Variants in PHKA2 observed in about 807,000 individuals in gnomAD.
The protein encoded by PHKA2 is phosphorylase b kinase regulatory subunit alpha, liver isoform.
Under a neutral mutation model 102.0 loss-of-function variants are expected in PHKA2, and 31 were observed. The ratio of observed to expected loss-of-function variants is 0.30; its 90% confidence interval spans 0.23 to 0.41. The LOEUF (loss-of-function observed/expected upper bound fraction) is 0.41, where lower values mean the gene tolerates loss of function less well. Among genes scored for constraint, PHKA2 ranks in the 10% least tolerant of loss-of-function variants. PHKA2 has a pLI of 1.00. For missense variants in PHKA2, 858 were observed against 1,023.1 expected, an observed-to-expected ratio of 0.84 and a Z score of 2.20; for synonymous variants, 455 against 416.2, an observed-to-expected ratio of 1.09 and a Z score of -1.13.
At chrX:18,945,268 C>A in intron 5 of PHKA2, 110 bp from the exon 6 acceptor site, 1 of 517,675 alleles carries the variant, frequency 1.9e-6, no homozygotes. Flanking sequence ...ATAAGTGGAT[C>A]TTCTCGGAGG....
chrX:18,896,525 G>T (rs1411342119), intron 30 of PHKA2: 1 of 115,514 alleles, frequency 8.7e-6, no homozygotes, highest in African/African-American at 3.2e-5. Flanking sequence ...ACAGGACCTG[G>T]GGCTAAACTG....
Position 18,924,308 on chromosome X carries a change from C to A in PHKA2, c.1714+73G>T, listed in dbSNP as rs5955668. On this transcript the variant is annotated intron_variant, in intron 16 of 32. Transcript: ENST00000379942. The stretch of plus-strand genomic sequence containing the variant: ...CAGTGCTTAGTTCTGGCCATGGGAG[C>A]CATTTTAAACATTTGTAAGAGCCCA... The A allele has an allele frequency of 9.1e-3, 10,210 of 1,122,978 alleles. 76 individuals carry two copies. Among genetic ancestry groups the A allele is most frequent in the Non-Finnish European group, 8.3e-3 (6,774 of 817,201 alleles). The allele number at this position is 1,122,978 out of a possible 1,213,427, so 92.5% of individuals were successfully genotyped here. A position where few individuals can be genotyped will look rare whatever the true frequency, so the allele number is the denominator to read the frequency against.
chrX:18,958,295 C>T (rs1000258101), intron 1 of PHKA2, among the ~76,000 whole-genome samples: 1 of 111,734 alleles, frequency 8.9e-6, no homozygotes, highest in African/African-American at 3.3e-5. Flanking sequence ...GTTTTAGAGG[C>T]TGCATCATAT....
Position 18,893,463 on chromosome X carries a change from G to C in PHKA2, c.*22C>G. 8.3e-7 allele frequency: 1 copy of C among 1,204,673 alleles called. No homozygotes were observed. Among genetic ancestry groups the C allele is most frequent in the South Asian group, 1.8e-5 (1 of 56,835 alleles). ...GGGGCACGTGACAGATTGAGAGTGT[G>C]ATCATGTTTCCAGGTGAGACCCTAT... On this transcript the variant is annotated 3_prime_UTR_variant, in exon 33 of 33. Coordinates refer to ENST00000379942, the MANE Select transcript of PHKA2 (RefSeq NM_000292.3).
rs188626552 is a variant in PHKA2, at chrX:18,899,082, C to T, written c.3111+91G>A. 6.1e-4 allele frequency: 483 copies of T among 786,255 alleles called. 3 individuals are homozygous for T. The highest frequency in any genetic ancestry group is 5.2e-3 in the East Asian group (163 of 31,645). The allele number at this position is 786,255 out of a possible 1,213,427, so 64.8% of individuals were successfully genotyped here. A position where few individuals can be genotyped will look rare whatever the true frequency, so the allele number is the denominator to read the frequency against. On this transcript the variant is annotated intron_variant, in intron 29 of 32. Transcript: ENST00000379942. ...CCGCTGAAAACACTTCAGCCCTGCT[C>T]GAATCCTCAGAAGTTGGGCATGAGG...
At chrX:18,931,207 G>A (rs1168547868) in intron 12 of PHKA2, among the ~76,000 whole-genome samples, 4 of 112,304 alleles carry the variant, frequency 3.6e-5, no homozygotes, top group African/African-American at 1.3e-4. Flanking sequence ...AATCCGGCCC[G>A]CCACCTCTTT....
chrX:18,956,726 T>C (rs955855748), intron 1 of PHKA2, among the ~76,000 whole-genome samples: 1 of 112,360 alleles, frequency 8.9e-6, no homozygotes, highest in African/African-American at 3.2e-5. Context: ...AATTAGGGTG[T>C]TACTGCACTC....
At chrX:18,919,728 C>CAAAAAAAAAAAAA (rs56042937) in intron 18 of PHKA2, among the ~76,000 whole-genome samples, 3 of 27,573 alleles carry the variant, frequency 1.1e-4, no homozygotes, top group Non-Finnish European at 2.3e-4. Flanking sequence ...CAAACAACAA[C>CAAAAAAAAAAAAA]AAAAAAAAAA....
chrX:18,983,936 C>T lies in PHKA2; in HGVS notation c.-4G>A, dbSNP rs1272795545. 1 of 1,206,397 alleles carries T rather than the reference C, an allele frequency of 8.3e-7. No homozygotes were observed. Among genetic ancestry groups the T allele is most frequent in the Admixed American group, 2.2e-5 (1 of 46,183 alleles). ...CGGAATTGCTCCTGCTCCGCATCTC[C>T]CCGAGGCTCCCAGGCCGCAGCGCCC... On this transcript the variant is annotated 5_prime_UTR_variant, in exon 1 of 33. Coordinates refer to ENST00000379942, the MANE Select transcript of PHKA2 (RefSeq NM_000292.3).
intron 2 of PHKA2, 151 bp from the exon 3 acceptor site, chrX:18,952,692 T>G: frequency 1.9e-6 from 1 of 515,897 alleles, no homozygotes. Context: ...TGATGGTTCA[T>G]GTCCTCTCCA....
At chrX:18,926,614 T>C (rs1185032325) in intron 13 of PHKA2, 27 bp from the exon 14 acceptor site, 1 of 1,194,300 alleles carries the variant, frequency 8.4e-7, no homozygotes, top group Non-Finnish European at 1.1e-6. Flanking sequence ...AGAATGAGCG[T>C]TAGCTCATGA....
At chrX:18,946,881 AG>A (rs750208212) in intron 5 of PHKA2, among the ~76,000 whole-genome samples, 2 of 57,734 alleles carry the variant, frequency 3.5e-5, no homozygotes, top group Non-Finnish European at 6.9e-5. Flanking sequence ...GGGTGGGGGG[AG>A]GGGGGCCTGT....
At chrX:18,906,347 T>G in intron 25 of PHKA2, 148 bp downstream of exon 25, 41 of 673,235 alleles carry the variant, frequency 6.1e-5, no homozygotes, top group Non-Finnish European at 9.3e-5. Context: ...TCCATCTAAA[T>G]GAGAGAAGCT....
At chrX:18,923,914 A>G (rs1196822568) in intron 17 of PHKA2, 142 bp downstream of exon 17, 5 of 529,765 alleles carry the variant, frequency 9.4e-6, no homozygotes, top group Non-Finnish European at 1.7e-5. Context: ...CGACTGGATT[A>G]GAGAAGTGTT....
At chrX:18,893,835 G>GA (rs1732461221) in intron 32 of PHKA2, among the ~76,000 whole-genome samples, 180 bp from the exon 33 acceptor site, 2 of 112,436 alleles carry the variant, frequency 1.8e-5, no homozygotes, top group Admixed American at 1.9e-4. Context: ...CTGCCAGGGG[G>GA]AATGCCCTAC....
intron 1 of PHKA2, among the ~76,000 whole-genome samples, chrX:18,955,700 A>G (rs2048763957): frequency 8.9e-6 from 1 of 112,147 alleles, no homozygotes; most frequent in Admixed American, 9.5e-5. Context: ...TATTTACAAG[A>G]GAGCTCATGA....
At chrX:18,909,680 T>C (rs1397583338) in intron 20 of PHKA2, among the ~76,000 whole-genome samples, 1 of 112,641 alleles carries the variant, frequency 8.9e-6, no homozygotes, top group East Asian at 2.8e-4. Context: ...TCACTCTTTG[T>C]TTAAAAAGTA....
At chrX:18,938,046 T>A (rs1210580413) in intron 10 of PHKA2, among the ~76,000 whole-genome samples, 2 of 112,631 alleles carry the variant, frequency 1.8e-5, no homozygotes, top group African/African-American at 6.4e-5. Flanking sequence ...CGCCTCCTAG[T>A]ACTCATGCCC....
intron 1 of PHKA2, among the ~76,000 whole-genome samples, chrX:18,962,179 CCAAG>C (rs2048880145): frequency 9.0e-6 from 1 of 111,665 alleles, no homozygotes; most frequent in Non-Finnish European, 1.9e-5. Flanking sequence ...TGATGATTCT[CCAAG>C]CAAGCAGGGG....
Sources: gnomAD v4.1 joint callset for allele counts (sites outside exome capture counted in the v4.1 genomes callset) on GRCh38, gnomAD v4.1.1 for gene constraint, MANE v1.5 for transcripts, NCBI Gene and HGNC (gene_info 2026-07-23, HGNC 2026-07-21) for gene names.